COL8A1: variants seen among roughly 807,000 people sequenced by gnomAD.
COL8A1 encodes collagen type VIII alpha 1 chain, also known as collagen alpha-1(VIII) chain.
COL8A1 carries 21 observed loss-of-function variants against 42.7 expected under a neutral mutation model. The observed-to-expected ratio is 0.49, with a 90% confidence interval of 0.35 to 0.71. The LOEUF is 0.71. Among genes scored for constraint, COL8A1 ranks in the 30% least tolerant of loss-of-function variants. COL8A1 has a pLI of 0.01. For missense variants in COL8A1, 788 were observed against 962.4 expected (o/e 0.82, Z 2.40); for synonymous variants, 367 against 369.1 (o/e 0.99, Z 0.06).
intron 2 of COL8A1, among the ~76,000 whole-genome samples, chr3:99,782,551 C>T (rs1031089023): frequency 2.0e-5 from 3 of 151,968 alleles, no homozygotes; most frequent in Non-Finnish European, 2.9e-5. Context: ...GCCACCATGC[C>T]CGGCTAATTT....
intron 1 of COL8A1, among the ~76,000 whole-genome samples, chr3:99,729,962 T>A (rs2107382190): frequency 6.6e-6 from 1 of 152,228 alleles, no homozygotes; most frequent in Non-Finnish European, 1.5e-5. Flanking sequence ...GCATTGTTGA[T>A]CAATGAACAT....
intron 1 of COL8A1, among the ~76,000 whole-genome samples, chr3:99,648,749 G>T (rs1937737143): frequency 6.6e-6 from 1 of 152,068 alleles, no homozygotes; most frequent in African/African-American, 2.4e-5. Flanking sequence ...AGGCACTTCG[G>T]CACATTAAAT....
At chr3:99,714,878 C>A (rs977992805) in intron 1 of COL8A1, among the ~76,000 whole-genome samples, 4 of 152,198 alleles carry the variant, frequency 2.6e-5, no homozygotes, top group Non-Finnish European at 4.4e-5. Flanking sequence ...ATAGGGAAAG[C>A]CCCTCTGAGG....
chr3:99,742,548 C>A (rs948124921), intron 1 of COL8A1, among the ~76,000 whole-genome samples: 3 of 152,142 alleles, frequency 2.0e-5, no homozygotes, highest in Non-Finnish European at 4.4e-5. Context: ...ACAAAAATGT[C>A]TTTTAATTAG....
chr3:99,696,292 G>A (rs946535878), intron 1 of COL8A1, among the ~76,000 whole-genome samples: 1 of 152,186 alleles, frequency 6.6e-6, no homozygotes, highest in African/African-American at 2.4e-5. Flanking sequence ...AACTTCTGTA[G>A]CACTTTCCAT....
At chr3:99,709,790 AGTGTTATG>A (rs1326154501) in intron 1 of COL8A1, among the ~76,000 whole-genome samples, 1 of 152,172 alleles carries the variant, frequency 6.6e-6, no homozygotes, top group Non-Finnish European at 1.5e-5. Context: ...CCAGAAGATG[AGTGTTATG>A]GTGTAATGTT....
At chr3:99,663,645 A>G (rs1006215761) in intron 1 of COL8A1, among the ~76,000 whole-genome samples, 1 of 152,112 alleles carries the variant, frequency 6.6e-6, no homozygotes, top group Non-Finnish European at 1.5e-5. Flanking sequence ...TTCCCTATTT[A>G]ATTGATTTCT....
At chr3:99,761,738 G>T (rs1457974121) in intron 2 of COL8A1, among the ~76,000 whole-genome samples, 1 of 151,976 alleles carries the variant, frequency 6.6e-6, no homozygotes, top group African/African-American at 2.4e-5. Context: ...GATATCTCTG[G>T]CTTTAGATAT....
chr3:99,740,870 A>G (rs530630467), intron 1 of COL8A1, among the ~76,000 whole-genome samples: 1 of 152,288 alleles, frequency 6.6e-6, no homozygotes, highest in East Asian at 1.9e-4. Context: ...TATAATATAA[A>G]ATACATAATT....
Position 99,794,377 on chromosome 3 carries a change from A to C in COL8A1, c.476A>C (p.Lys159Thr). 1 of 1,614,056 alleles carries C rather than the reference A, an allele frequency of 6.2e-7. No individual in the cohort carries two copies. Among genetic ancestry groups the C allele is most frequent in the South Asian group, 1.1e-5 (1 of 91,072 alleles). ...CCACAGGGATATCCAGGAGTTGGAA[A>C]GCCAGGTATGCCTGGAATGCCAGGG... is the stretch of plus-strand genomic sequence containing the variant. Reference protein sequence around the residue: ...PGPQGYPGVGKPGMPGMPGKP... With the variant: ...PGPQGYPGVGTPGMPGMPGKP... The change falls in exon 4 of 4, where the codon AAG becomes ACG. Residue 159 changes from lysine (K) to threonine (T), a missense_variant. Lys to Thr is a moderately conservative substitution (Grantham distance 78). Coordinates refer to ENST00000652472, the MANE Select transcript of COL8A1 (RefSeq NM_020351.4). The surrounding 1 kb of genome is among the most constrained non-coding windows in gnomAD (Gnocchi z 4.3).
At chr3:99,774,638 T>C (rs1271254966) in intron 2 of COL8A1, among the ~76,000 whole-genome samples, 4 of 152,034 alleles carry the variant, frequency 2.6e-5, no homozygotes. Context: ...CCAACACACG[T>C]GAACAAGAGT....
At chr3:99,639,682 C>T (rs1375141267) in intron 1 of COL8A1, among the ~76,000 whole-genome samples, 1 of 152,226 alleles carries the variant, frequency 6.6e-6, no homozygotes, top group East Asian at 1.9e-4. Flanking sequence ...ACAGCCACTT[C>T]TGTAAAACCA....
intron 1 of COL8A1, among the ~76,000 whole-genome samples, chr3:99,723,329 A>G (rs943685249): frequency 1.3e-5 from 2 of 152,048 alleles, no homozygotes; most frequent in Non-Finnish European, 2.9e-5. Flanking sequence ...AGGGTGGTTG[A>G]GGTAGAGACC....
At chr3:99,697,537 T>A (rs1939415260) in intron 1 of COL8A1, among the ~76,000 whole-genome samples, 1 of 152,140 alleles carries the variant, frequency 6.6e-6, no homozygotes, top group South Asian at 2.1e-4. Flanking sequence ...TAAAAGCATG[T>A]TTTAGGGAGT....
chr3:99,724,025 A>G (rs1223659434), intron 1 of COL8A1, among the ~76,000 whole-genome samples: 1 of 152,110 alleles, frequency 6.6e-6, no homozygotes, highest in Non-Finnish European at 1.5e-5. Flanking sequence ...TTTTATTGCA[A>G]GCTCCTGAAG....
At chr3:99,710,227 G>C (rs941971727) in intron 1 of COL8A1, among the ~76,000 whole-genome samples, 1 of 152,086 alleles carries the variant, frequency 6.6e-6, no homozygotes, top group African/African-American at 2.4e-5. Context: ...CCATGGAACT[G>C]GGATATTTCC....
intron 2 of COL8A1, among the ~76,000 whole-genome samples, chr3:99,788,919 C>T (rs1941946118): frequency 1.3e-5 from 2 of 152,064 alleles, no homozygotes; most frequent in Non-Finnish European, 2.9e-5. Flanking sequence ...ACTAGATATC[C>T]TTTGCTACTC....
At chr3:99,657,121 C>G (rs1366005779) in intron 1 of COL8A1, among the ~76,000 whole-genome samples, 2 of 152,162 alleles carry the variant, frequency 1.3e-5, no homozygotes, top group Admixed American at 6.5e-5. Context: ...TGACTTCATC[C>G]TTTTATGGGA....
chr3:99,713,785 GA>G (rs11289129), intron 1 of COL8A1, among the ~76,000 whole-genome samples: 86,584 of 150,710 alleles, frequency 0.57, 24,838 homozygotes, highest in Middle Eastern at 0.68. Context: ...ATGGATTTGT[GA>G]AAAAAAAAAT....
Sources: gnomAD v4.1 joint callset for allele counts (sites outside exome capture counted in the v4.1 genomes callset) on GRCh38, gnomAD v4.1.1 for gene constraint, Gnocchi (gnomAD v3.1) non-coding constraint, MANE v1.5 for transcripts, NCBI Gene and HGNC (gene_info 2026-07-23, HGNC 2026-07-21) for gene names.